Variants in ITCH observed in about 807,000 individuals in gnomAD.
ITCH encodes the protein itchy E3 ubiquitin protein ligase, also known as E3 ubiquitin-protein ligase Itchy homolog.
A neutral mutation model predicts 126.8 loss-of-function variants in ITCH; 28 were observed. That is an observed-to-expected ratio of 0.22 (90% confidence interval 0.16 to 0.30). ITCH has a LOEUF of 0.30. Among genes scored for constraint, ITCH ranks in the 10% least tolerant of loss-of-function variants. ITCH has a pLI of 1.00. For missense variants in ITCH, 631 were observed against 1,032.4 expected (o/e 0.61, Z 5.33); for synonymous variants, 342 against 340.0 (o/e 1.01, Z -0.06).
chr20:34,430,334 A>G (rs1472454648), intron 7 of ITCH, among the ~76,000 whole-genome samples: 1 of 152,178 alleles, frequency 6.6e-6, no homozygotes, highest in Admixed American at 6.5e-5. Flanking sequence ...GGGATGATAT[A>G]CAAGTAAGTG....
At chr20:34,410,499 G>C (rs74761678) in intron 4 of ITCH, among the ~76,000 whole-genome samples, 1 of 151,886 alleles carries the variant, frequency 6.6e-6, no homozygotes, top group Non-Finnish European at 1.5e-5. Flanking sequence ...TTAATTAATG[G>C]CTCATTGTAG....
At chr20:34,449,982 ATGATTCCATCATCT>A (rs1477828415) in intron 12 of ITCH, among the ~76,000 whole-genome samples, 1 of 152,166 alleles carries the variant, frequency 6.6e-6, no homozygotes, top group African/African-American at 2.4e-5. Flanking sequence ...CGTGATGATG[ATGATTCCATCATCT>A]TGATTCCATC....
In ITCH at chr20:34,462,187, A is replaced by G; in HGVS notation, c.1390A>G (p.Thr464Ala). The G allele has an allele frequency of 6.2e-7, 1 of 1,613,908 alleles. No homozygotes were observed. The highest frequency in any genetic ancestry group is 8.5e-7 in the Non-Finnish European group (1 of 1,179,856). ...TGTGGACCACAATAGAAGAACTACCACCTATATAGATCCCCGCACAGGAAA... is the reference window on the plus strand; with the variant it reads ...TGTGGACCACAATAGAAGAACTACCGCCTATATAGATCCCCGCACAGGAAA... ...YFVDHNRRTT[T>A]YIDPRTGKSA... The change falls in exon 14 of 25, where the codon ACC becomes GCC. Residue 464 changes from threonine (T) to alanine (A), a missense_variant. Coordinates refer to ENST00000374864, the MANE Select transcript of ITCH (RefSeq NM_031483.7).
intron 2 of ITCH, among the ~76,000 whole-genome samples, chr20:34,387,799 G>A (rs1429509600): frequency 6.6e-6 from 1 of 151,988 alleles, no homozygotes; most frequent in African/African-American, 2.4e-5. Context: ...CCGCCTCCTG[G>A]GTTCAAGCGG....
chr20:34,400,291 A>T (rs1369973602), intron 3 of ITCH, among the ~76,000 whole-genome samples: 1 of 152,018 alleles, frequency 6.6e-6, no homozygotes, highest in African/African-American at 2.4e-5. Context: ...GATGGTCTTG[A>T]ACTCCTGGCC....
chr20:34,444,053 C>T (rs1984117401), intron 10 of ITCH, among the ~76,000 whole-genome samples: 1 of 152,036 alleles, frequency 6.6e-6, no homozygotes, highest in African/African-American at 2.4e-5. Context: ...GAAATTTATC[C>T]TAAAGAAACA....
intron 23 of ITCH, among the ~76,000 whole-genome samples, chr20:34,503,452 G>A (rs1235723298): frequency 6.6e-6 from 1 of 152,164 alleles, no homozygotes; most frequent in Non-Finnish European, 1.5e-5. Context: ...AGTATTTTAT[G>A]TTTATACTTG....
At chr20:34,424,370 T>C (rs1981206362) in intron 6 of ITCH, 110 bp from the exon 7 acceptor site, 1 of 835,286 alleles carries the variant, frequency 1.2e-6, no homozygotes, top group Non-Finnish European at 2.1e-6. Context: ...GTATGTTCTT[T>C]ATTACAAAGA....
At chr20:34,419,341 A>ATTCCT (rs573340901) in intron 6 of ITCH, among the ~76,000 whole-genome samples, 1 of 152,110 alleles carries the variant, frequency 6.6e-6, no homozygotes, top group Non-Finnish European at 1.5e-5. Context: ...TTCCTATATT[A>ATTCCT]TTCCTTTCCT....
At chr20:34,419,572 G>A (rs968742067) in intron 6 of ITCH, among the ~76,000 whole-genome samples, 3 of 151,328 alleles carry the variant, frequency 2.0e-5, no homozygotes, top group Admixed American at 6.6e-5. Context: ...ACCTCCTTCC[G>A]GGTTCAGGCA....
chr20:34,492,393 C>T (rs1989577707), intron 22 of ITCH, 108 bp from the exon 23 acceptor site: 1 of 730,534 alleles, frequency 1.4e-6, no homozygotes, highest in Admixed American at 2.2e-5. Flanking sequence ...CCTGGGACAC[C>T]TCACCTCTAA....
chr20:34,403,091 G>A (rs1568898424), intron 3 of ITCH, among the ~76,000 whole-genome samples: 1 of 152,016 alleles, frequency 6.6e-6, no homozygotes, highest in African/African-American at 2.4e-5. Context: ...CCACAGGCAG[G>A]GCAGAGTTCT....
intron 22 of ITCH, 113 bp from the exon 23 acceptor site, chr20:34,492,388 G>A (rs1600487872): frequency 1.5e-6 from 1 of 686,808 alleles, no homozygotes; most frequent in East Asian, 3.0e-5. Flanking sequence ...CAGAGCCTGG[G>A]ACACCTCACC....
chr20:34,363,973 G>T (rs1268269508), intron 1 of ITCH, among the ~76,000 whole-genome samples: 2 of 152,170 alleles, frequency 1.3e-5, no homozygotes, highest in Non-Finnish European at 2.9e-5. Flanking sequence ...TGCAGACGTG[G>T]AGCTGTCACT....
intron 2 of ITCH, among the ~76,000 whole-genome samples, chr20:34,374,034 A>G (rs1282502577): frequency 6.6e-6 from 1 of 151,856 alleles, no homozygotes; most frequent in Non-Finnish European, 1.5e-5. Context: ...ACAGGTGCCC[A>G]CCACCACGCC....
chr20:34,392,003 C>T (rs987234832), intron 2 of ITCH, among the ~76,000 whole-genome samples: 6 of 152,128 alleles, frequency 3.9e-5, no homozygotes, highest in African/African-American at 1.4e-4. Context: ...GTACCTTTAT[C>T]ATGCAGAATA....
At position 34,455,548 on chromosome 20, in the gene ITCH, T is replaced by C. The variant is rs1177479805; in HGVS notation, c.1211-1842T>C. Among the ~76,000 whole-genome samples the C allele has an allele frequency of 2.6e-5, 4 of 151,902 alleles. No individual in the cohort carries two copies. In the East Asian group the frequency reaches 7.7e-4, roughly 29 times the overall value. ...ATCCATCTCGGCACACTGTAACCTCTGCGTCCCGGGTTCAAGCAGTTCTCC... is the reference window on the plus strand; with the variant it reads ...ATCCATCTCGGCACACTGTAACCTCCGCGTCCCGGGTTCAAGCAGTTCTCC... On this transcript the variant is annotated intron_variant, in intron 12 of 24. Coordinates refer to ENST00000374864, the MANE Select transcript of ITCH (RefSeq NM_031483.7).
At chr20:34,447,168 T>C (rs1383318410) in intron 11 of ITCH, among the ~76,000 whole-genome samples, 1 of 129,492 alleles carries the variant, frequency 7.7e-6, no homozygotes, top group Non-Finnish European at 1.7e-5. Flanking sequence ...CTCAGAGTCT[T>C]TGGAATTTTT....
At chr20:34,405,720 G>A (rs920401444) in intron 3 of ITCH, among the ~76,000 whole-genome samples, 1 of 152,086 alleles carries the variant, frequency 6.6e-6, no homozygotes, top group African/African-American at 2.4e-5. Flanking sequence ...ATGTTTTTCT[G>A]TGTAATCCTG....
Sources: gnomAD v4.1 joint callset for allele counts (sites outside exome capture counted in the v4.1 genomes callset) on GRCh38, gnomAD v4.1.1 for gene constraint, MANE v1.5 for transcripts, NCBI Gene and HGNC (gene_info 2026-07-23, HGNC 2026-07-21) for gene names.